The following NRG3 variants were observed in gnomAD, a reference collection of about 807,000 sequenced individuals.
The protein encoded by NRG3 is pro-neuregulin-3, membrane-bound isoform.
In NRG3, 31 loss-of-function variants were observed where a neutral mutation model predicts 66.9. The observed-to-expected ratio is 0.46, with a 90% CI of 0.35 to 0.63. NRG3 has a LOEUF of 0.63. NRG3 is among the 20% of genes least tolerant of loss of function. NRG3 has a pLI of 0.00. For missense variants in NRG3, 910 were observed against 878.9 expected (o/e 1.04, Z -0.45); for synonymous variants, 393 against 359.4 (o/e 1.09, Z -1.06).
intron 3 of NRG3, among the ~76,000 whole-genome samples, chr10:82,850,153 T>G (rs1464799929): frequency 6.6e-6 from 1 of 152,162 alleles, no homozygotes; most frequent in Non-Finnish European, 1.5e-5. Context: ...GAGACAAGTT[T>G]TCTAGAGGAT....
intron 2 of NRG3, among the ~76,000 whole-genome samples, chr10:82,575,778 TG>T (rs775607211): frequency 2.6e-5 from 4 of 151,812 alleles, no homozygotes; most frequent in Non-Finnish European, 4.4e-5. Flanking sequence ...TCTTGTTTTA[TG>T]TTCTTCCATT....
chr10:82,724,648 G>T (rs1682940258), intron 2 of NRG3, among the ~76,000 whole-genome samples: 1 of 152,194 alleles, frequency 6.6e-6, no homozygotes, highest in African/African-American at 2.4e-5. Flanking sequence ...TAAATCAGAA[G>T]GCTGTGGGAC....
At chr10:82,390,349 G>T (rs1011244043) in intron 2 of NRG3, among the ~76,000 whole-genome samples, 1 of 152,034 alleles carries the variant, frequency 6.6e-6, no homozygotes, top group Middle Eastern at 3.4e-3. Context: ...TTTGTGGGGG[G>T]GCTGGGGTGG....
chr10:82,948,267 A>T (rs1009547917), intron 4 of NRG3, among the ~76,000 whole-genome samples: 5 of 152,080 alleles, frequency 3.3e-5, no homozygotes, highest in African/African-American at 9.7e-5. Context: ...TATCTGTTGC[A>T]ATTATTTATT....
chr10:82,874,705 C>T (rs75076427), intron 4 of NRG3, among the ~76,000 whole-genome samples: 2,184 of 152,210 alleles, frequency 0.014, 39 homozygotes, highest in African/African-American at 0.049. Context: ...AATGACAAAA[C>T]CTGACTACTA....
chr10:82,752,008 T>A (rs912483814), intron 3 of NRG3, among the ~76,000 whole-genome samples: 1 of 152,106 alleles, frequency 6.6e-6, no homozygotes, highest in Admixed American at 6.6e-5. Context: ...TTCCATTACA[T>A]CAGGCACTCA....
intron 3 of NRG3, among the ~76,000 whole-genome samples, chr10:82,767,969 C>G (rs536867305): frequency 6.6e-6 from 1 of 151,906 alleles, no homozygotes; most frequent in African/African-American, 2.4e-5. Context: ...CCATAGTGCT[C>G]CTCACCTTGG....
chr10:82,837,202 T>G (rs189153865), intron 3 of NRG3, among the ~76,000 whole-genome samples: 176 of 152,294 alleles, frequency 1.2e-3, no homozygotes, highest in African/African-American at 4.0e-3. Flanking sequence ...TCAATAAACA[T>G]ACGTGTGCAT....
At chr10:82,533,955 A>G (rs1169591276) in intron 2 of NRG3, among the ~76,000 whole-genome samples, 1 of 152,208 alleles carries the variant, frequency 6.6e-6, no homozygotes, top group Non-Finnish European at 1.5e-5. Context: ...TTGCATTTCT[A>G]TAGACTAACA....
At chr10:82,762,050 C>G (rs374375529) in intron 3 of NRG3, among the ~76,000 whole-genome samples, 1 of 138,926 alleles carries the variant, frequency 7.2e-6, no homozygotes, top group Non-Finnish European at 1.6e-5. Context: ...TTTCCTTTCT[C>G]TCTTTCTTTC....
intron 1 of NRG3, among the ~76,000 whole-genome samples, chr10:82,355,536 T>G (rs2083719426): frequency 6.6e-6 from 1 of 152,152 alleles, no homozygotes; most frequent in South Asian, 2.1e-4. Flanking sequence ...TTAGTAGGCT[T>G]TGTTTGGTTG....
At chr10:82,647,162 A>C (rs1313818124) in intron 2 of NRG3, among the ~76,000 whole-genome samples, 2 of 151,088 alleles carry the variant, frequency 1.3e-5, no homozygotes, top group South Asian at 2.1e-4. Context: ...CACTCCCCCG[A>C]CCCCACAACA....
chr10:82,571,889 A>G (rs1217803609), intron 2 of NRG3, among the ~76,000 whole-genome samples: 1 of 151,718 alleles, frequency 6.6e-6, no homozygotes, highest in Non-Finnish European at 1.5e-5. Context: ...TGAAAGATAC[A>G]TTAAAAAAAT....
At chr10:82,022,705 TCA>T (rs2062117804) in intron 1 of NRG3, among the ~76,000 whole-genome samples, 1 of 152,046 alleles carries the variant, frequency 6.6e-6, no homozygotes. Flanking sequence ...TCGGAAGCTA[TCA>T]ACCACTGTGG....
At chr10:82,051,815 A>G (rs186926358) in intron 1 of NRG3, among the ~76,000 whole-genome samples, 207 of 152,214 alleles carry the variant, frequency 1.4e-3, no homozygotes, top group African/African-American at 4.9e-3. Flanking sequence ...TGATCAGTCA[A>G]CTATCTCTGC....
chr10:82,711,029 C>T (rs2056632482), intron 2 of NRG3, among the ~76,000 whole-genome samples: 2 of 152,118 alleles, frequency 1.3e-5, no homozygotes, highest in African/African-American at 4.8e-5. Context: ...GCCTCAGTCT[C>T]CCAAGTTGGT....
chr10:82,936,312 G>T (rs935650887), intron 4 of NRG3, among the ~76,000 whole-genome samples: 2 of 152,150 alleles, frequency 1.3e-5, no homozygotes, highest in African/African-American at 4.8e-5. Context: ...GAAACCATGA[G>T]CATGGGTGAA....
chr10:82,119,596 T>G (rs1351697382), intron 1 of NRG3, among the ~76,000 whole-genome samples: 1 of 152,142 alleles, frequency 6.6e-6, no homozygotes, highest in Non-Finnish European at 1.5e-5. Flanking sequence ...TCTTGGCTAC[T>G]CACTACCTAG....
At chr10:82,250,809 C>T (rs1256594663) in intron 1 of NRG3, among the ~76,000 whole-genome samples, 1 of 152,196 alleles carries the variant, frequency 6.6e-6, no homozygotes, top group Non-Finnish European at 1.5e-5. Context: ...CTACATAGCT[C>T]CTTGCCTGGT....
Sources: allele counts gnomAD v4.1 joint callset (sites outside exome capture counted in the v4.1 genomes callset), GRCh38; gene constraint gnomAD v4.1.1; transcripts MANE v1.5; gene names NCBI Gene and HGNC (gene_info 2026-07-23, HGNC 2026-07-21).